Variants in MGAT4A observed in about 807,000 individuals in gnomAD.
The protein encoded by MGAT4A is alpha-1,3-mannosyl-glycoprotein 4-beta-N-acetylglucosaminyltransferase A.
In MGAT4A, 33 loss-of-function variants were observed where a neutral mutation model predicts 74.1. The ratio of observed to expected loss-of-function variants is 0.45; its 90% CI spans 0.34 to 0.60. The LOEUF (loss-of-function observed/expected upper bound fraction) is 0.60, where lower values mean the gene tolerates loss of function less well. Ranked by LOEUF, MGAT4A falls within the 20% of genes least tolerant of loss-of-function variation. The probability of loss-of-function intolerance (pLI) is 0.02; values close to 1 mark genes in which losing one functional copy is unlikely to be tolerated. For missense variants in MGAT4A, 479 were observed against 628.3 expected (o/e 0.76, Z 2.54); for synonymous variants, 198 against 210.4 (o/e 0.94, Z 0.51).
In MGAT4A at chr2:98,663,064, T is replaced by C; in HGVS notation, c.519A>G (p.Ile173Met). The change falls in exon 5 of 16, where the codon ATA becomes ATG. Residue 173 changes from isoleucine to methionine, a missense_variant. Ile to Met is a conservative substitution (Grantham distance 10). Transcript: ENST00000393487. ...LYPEEKLDCVIVVFIGETDID... is the reference protein window; with the variant it reads ...LYPEEKLDCVMVVFIGETDID... ...TAATTACCTCTCCTATGAAGACTAC[T>C]ATAACACAGTCCAACTTCTCTTCAG... The C allele has an allele frequency of 1.3e-6, 2 of 1,582,336 alleles. No homozygotes were observed. The highest frequency in any genetic ancestry group is 4.5e-5 in the East Asian group (2 of 44,550).
At chr2:98,665,773 C>A (rs906084780) in intron 4 of MGAT4A, among the ~76,000 whole-genome samples, 1 of 152,182 alleles carries the variant, frequency 6.6e-6, no homozygotes, top group Non-Finnish European at 1.5e-5. Flanking sequence ...CGTGTGGTCA[C>A]GGAAGGCCTC....
At chr2:98,638,413 T>C (rs1701355606) in intron 12 of MGAT4A, among the ~76,000 whole-genome samples, 1 of 152,252 alleles carries the variant, frequency 6.6e-6, no homozygotes, top group Non-Finnish European at 1.5e-5. Context: ...CCACTTAGTA[T>C]ATATCTAAGA....
chr2:98,636,631 G>A (rs375317052), intron 12 of MGAT4A, 36 bp from the exon 13 acceptor site: 12 of 1,562,634 alleles, frequency 7.7e-6, no homozygotes, highest in African/African-American at 6.8e-5. Flanking sequence ...AACACAAGTC[G>A]GGCTAGATTT....
chr2:98,643,918 C>T lies in MGAT4A; in HGVS notation c.1020+5G>A, dbSNP rs1701449108. 2 of 1,536,776 alleles carry T rather than the reference C, an allele frequency of 1.3e-6. No individual in the cohort carries two copies. The highest frequency in any genetic ancestry group is 1.8e-6 in the Non-Finnish European group (2 of 1,132,436). On this transcript the variant is annotated splice_donor_5th_base_variant and intron_variant, in intron 10 of 15. Transcript: ENST00000393487. Reference sequence around the variant, plus strand: ...TCCCTCCACTCTGGTGAGGAATTAACTTACTGCATCTTTTTCAGGGTTGCA... The same window carrying T: ...TCCCTCCACTCTGGTGAGGAATTAATTTACTGCATCTTTTTCAGGGTTGCA...
At chr2:98,630,434 C>A (rs1297413567) in intron 14 of MGAT4A, among the ~76,000 whole-genome samples, 1 of 151,926 alleles carries the variant, frequency 6.6e-6, no homozygotes. Flanking sequence ...GAAATGGTAA[C>A]CATAAAATTC....
chr2:98,658,157 A>T (rs1182560164), intron 6 of MGAT4A, 61 bp downstream of exon 6: 1 of 1,085,750 alleles, frequency 9.2e-7, no homozygotes, highest in East Asian at 2.4e-5. Flanking sequence ...TCTTTTAGCA[A>T]GAAACCCAAG....
intron 8 of MGAT4A, among the ~76,000 whole-genome samples, chr2:98,650,860 A>G (rs1037303122): frequency 6.6e-6 from 1 of 152,180 alleles, no homozygotes. Flanking sequence ...CTGAGGCAGA[A>G]TGGCGTGAAC....
In MGAT4A at chr2:98,699,251, G is replaced by A. The variant is rs141049824; in HGVS notation, c.95-20780C>T. ...CTGCGGGCTGGTCACATAGGCACCCGCTGCCTAGTACATACCAAAATTTCA... is the reference window on the plus strand; with the variant it reads ...CTGCGGGCTGGTCACATAGGCACCCACTGCCTAGTACATACCAAAATTTCA... On this transcript the variant is annotated intron_variant, in intron 2 of 15. Coordinates refer to ENST00000393487, the MANE Select transcript of MGAT4A (RefSeq NM_012214.3). 4.7e-3 allele frequency among the ~76,000 whole-genome samples: 713 copies of A among 152,274 alleles called. 4 individuals are homozygous for A. Among genetic ancestry groups the A allele is most frequent in the African/African-American group, 0.016 (672 of 41,540 alleles).
At chr2:98,638,732 G>A (rs1701360418) in intron 12 of MGAT4A, among the ~76,000 whole-genome samples, 1 of 152,238 alleles carries the variant, frequency 6.6e-6, no homozygotes, top group Admixed American at 6.5e-5. Flanking sequence ...TTTAAAACTT[G>A]AATTCCTCTT....
Position 98,697,947 on chromosome 2 carries a change from G to A in MGAT4A, c.95-19476C>T, listed in dbSNP as rs1000510664. Among the ~76,000 whole-genome samples, 4 of 152,168 alleles carry A rather than the reference G, an allele frequency of 2.6e-5. No individual in the cohort carries two copies. The East Asian group carries it at 5.8e-4, about 22-fold the overall frequency. On this transcript the variant is annotated intron_variant, in intron 2 of 15. Transcript: ENST00000393487. ...ACACAAAAGTGATTAGAAAGAGAGC[G>A]AATGTTAAAAAATTTTTCATTGACT...
Position 98,674,251 on chromosome 2 carries a change from T to C in MGAT4A, c.403+784A>G, listed in dbSNP as rs141340180. Among the ~76,000 whole-genome samples, 201 of 152,328 alleles carry C rather than the reference T, an allele frequency of 1.3e-3. 1 individual carries two copies. The highest frequency in any genetic ancestry group is 2.3e-3 in the Non-Finnish European group (154 of 68,024). On this transcript the variant is annotated intron_variant, in intron 4 of 15. Transcript: ENST00000393487. Reference sequence around the variant, plus strand: ...ACCCAAAAATGAATCTTGATATCTATGAAGTTATCATTTCATCACTTGTTA... The same window carrying C: ...ACCCAAAAATGAATCTTGATATCTACGAAGTTATCATTTCATCACTTGTTA...
chr2:98,629,029 AT>A (rs1458752078), intron 14 of MGAT4A, among the ~76,000 whole-genome samples: 3 of 152,234 alleles, frequency 2.0e-5, no homozygotes, highest in Non-Finnish European at 4.4e-5. Flanking sequence ...ATTTTATATA[AT>A]TTTCACATAG....
intron 4 of MGAT4A, among the ~76,000 whole-genome samples, chr2:98,671,914 G>A (rs920613592): frequency 8.9e-6 from 1 of 112,802 alleles, no homozygotes; most frequent in Non-Finnish European, 1.6e-5. Flanking sequence ...GACGATGAAG[G>A]AAGAGGCCAC....
intron 1 of MGAT4A, among the ~76,000 whole-genome samples, 158 bp downstream of exon 1, chr2:98,730,890 G>C (rs1486851432): frequency 6.9e-6 from 1 of 145,040 alleles, no homozygotes; most frequent in African/African-American, 2.5e-5. Flanking sequence ...CGGCCGGGCC[G>C]CGGCGCAGTA....
At chr2:98,684,377 T>C (rs988215045) in intron 2 of MGAT4A, among the ~76,000 whole-genome samples, 1 of 152,248 alleles carries the variant, frequency 6.6e-6, no homozygotes, top group Non-Finnish European at 1.5e-5. Context: ...TTTATTGTTT[T>C]GTTTTTACTG....
intron 8 of MGAT4A, among the ~76,000 whole-genome samples, chr2:98,646,900 C>T (rs1368033188): frequency 6.6e-6 from 1 of 152,090 alleles, no homozygotes; most frequent in African/African-American, 2.4e-5. Context: ...AACATAGTAC[C>T]CAATAGGTAA....
chr2:98,660,418 G>GCACACACACACACACACACGCACGCGCA (rs1701728685), intron 5 of MGAT4A, among the ~76,000 whole-genome samples: 1 of 141,642 alleles, frequency 7.1e-6, no homozygotes, highest in East Asian at 2.1e-4. Flanking sequence ...ACACGCACGC[G>GCACACACACACACACACACGCACGCGCA]CACACACACA....
intron 5 of MGAT4A, among the ~76,000 whole-genome samples, 176 bp downstream of exon 5, chr2:98,662,870 T>C (rs556588158): frequency 2.0e-4 from 30 of 152,320 alleles, no homozygotes; most frequent in South Asian, 1.7e-3. Flanking sequence ...TGGTTTGTAA[T>C]TGCAGGACAG....
chr2:98,692,727 C>T (rs1702211997), intron 2 of MGAT4A, among the ~76,000 whole-genome samples: 1 of 152,140 alleles, frequency 6.6e-6, no homozygotes, highest in Non-Finnish European at 1.5e-5. Context: ...CAGTAACATG[C>T]TATATAGGTT....
Sources: allele counts gnomAD v4.1 joint callset (sites outside exome capture counted in the v4.1 genomes callset), GRCh38; gene constraint gnomAD v4.1.1; transcripts MANE v1.5; gene names NCBI Gene and HGNC (gene_info 2026-07-23, HGNC 2026-07-21).